The following KCND3 variants were observed in gnomAD, a reference collection of about 807,000 sequenced individuals.
KCND3 encodes A-type voltage-gated potassium channel KCND3.
Under a neutral mutation model 51.1 loss-of-function variants are expected in KCND3, and 9 were observed. The ratio of observed to expected loss-of-function variants is 0.18; its 90% CI spans 0.11 to 0.31. KCND3 has a LOEUF of 0.31. Ranked by LOEUF, KCND3 falls within the 10% of genes least tolerant of loss-of-function variation. KCND3 has a pLI of 1.00. For synonymous variants in KCND3, 349 were observed against 368.0 expected (o/e 0.95, Z 0.59); for missense variants, 526 against 903.8 (o/e 0.58, Z 5.36).
At chr1:111,905,006 C>T (rs530068066) in intron 2 of KCND3, among the ~76,000 whole-genome samples, 14 of 152,314 alleles carry the variant, frequency 9.2e-5, no homozygotes, top group East Asian at 3.9e-4. Flanking sequence ...TTATTCACGC[C>T]GGAAGTCCAT....
At chr1:111,806,607 T>C (rs1232021627) in intron 2 of KCND3, among the ~76,000 whole-genome samples, 1 of 152,236 alleles carries the variant, frequency 6.6e-6, no homozygotes, top group Non-Finnish European at 1.5e-5. Context: ...ACTAAGCAGT[T>C]TGAATAAACC....
At chr1:111,971,884 C>T (rs1178402223) in intron 2 of KCND3, among the ~76,000 whole-genome samples, 1 of 152,168 alleles carries the variant, frequency 6.6e-6, no homozygotes, top group East Asian at 1.9e-4. Flanking sequence ...CATTCCATTC[C>T]AGTCCTTTCT....
At chr1:111,897,036 G>T (rs984104826) in intron 2 of KCND3, among the ~76,000 whole-genome samples, 12 of 152,234 alleles carry the variant, frequency 7.9e-5, no homozygotes, top group Non-Finnish European at 1.6e-4. Flanking sequence ...GGTCTGTCTT[G>T]TCCGCTGTTG....
chr1:111,845,258 C>G (rs183112337), intron 2 of KCND3, among the ~76,000 whole-genome samples: 2 of 152,296 alleles, frequency 1.3e-5, no homozygotes, highest in African/African-American at 4.8e-5. Context: ...AAACAATTCT[C>G]TCCTGGTTTT....
At chr1:111,949,379 C>A (rs528856523) in intron 2 of KCND3, among the ~76,000 whole-genome samples, 2 of 152,282 alleles carry the variant, frequency 1.3e-5, no homozygotes, top group East Asian at 3.9e-4. Context: ...GGAAAAAGAG[C>A]AACCTAGGGC....
intron 2 of KCND3, among the ~76,000 whole-genome samples, chr1:111,843,407 T>G (rs1399808731): frequency 6.6e-6 from 1 of 152,194 alleles, no homozygotes; most frequent in Non-Finnish European, 1.5e-5. Flanking sequence ...TCCCTCCAGA[T>G]GGCATGGGCC....
intron 2 of KCND3, among the ~76,000 whole-genome samples, chr1:111,821,757 C>T (rs1278600377): frequency 6.6e-6 from 1 of 152,214 alleles, no homozygotes; most frequent in African/African-American, 2.4e-5. Flanking sequence ...TCTCTGCCAG[C>T]AGGCATGGCC....
intron 2 of KCND3, among the ~76,000 whole-genome samples, chr1:111,941,899 G>A (rs1343665587): frequency 6.6e-6 from 1 of 152,230 alleles, no homozygotes; most frequent in South Asian, 2.1e-4. Context: ...CAGCCCATCA[G>A]AGGCCATGTG....
In KCND3 at chr1:111,981,510, G is replaced by C; in HGVS notation, c.1106+111C>G. On this transcript the variant is annotated intron_variant, in intron 2 of 7. Transcript: ENST00000302127. The surrounding 1 kb of genome is among the most constrained non-coding windows in gnomAD (Gnocchi z 6.2). ...GCAACTTCCCCTGCCCCCAACACTT[G>C]GGTAAGGGACTCCCTCCTCCTCTAC... The C allele has an allele frequency of 6.7e-7, 1 of 1,503,166 alleles. No individual in the cohort carries two copies. The allele number at this position is 1,503,166 out of a possible 1,614,324, so 93.1% of individuals were successfully genotyped here. A position where few individuals can be genotyped will look rare whatever the true frequency, so the allele number is the denominator to read the frequency against.
chr1:111,885,280 G>A (rs982337629), intron 2 of KCND3, among the ~76,000 whole-genome samples: 6 of 152,268 alleles, frequency 3.9e-5, no homozygotes, highest in East Asian at 1.9e-4. Context: ...GCACGTCCAC[G>A]TTCACAAACC....
In KCND3 at chr1:111,968,393, G is replaced by C. The variant is rs150433134; in HGVS notation, c.1106+13228C>G. On this transcript the variant is annotated intron_variant, in intron 2 of 7. Coordinates refer to ENST00000302127, the MANE Select transcript of KCND3 (RefSeq NM_001378969.1). ...GAAAAAAAAATCTAGGGTCACATAA[G>C]CTGTATTGATCTTCATCTATCTTGT... 6.2e-3 allele frequency among the ~76,000 whole-genome samples: 949 copies of C among 152,306 alleles called. 5 individuals carry two copies. Among genetic ancestry groups the C allele is most frequent in the Non-Finnish European group, 0.011 (744 of 68,020 alleles).
rs143804726 is a variant in KCND3, at chr1:111,906,032, T to C, written c.1106+75589A>G. ...CTAGGAGAACCCAATGTTTTGACTT[T>C]CATTTCAAAGCTCTCTCTACTTCTA... On this transcript the variant is annotated intron_variant, in intron 2 of 7. Coordinates refer to ENST00000302127, the MANE Select transcript of KCND3 (RefSeq NM_001378969.1). Among the ~76,000 whole-genome samples the C allele has an allele frequency of 3.7e-3, 569 of 152,338 alleles. 1 individual carries two copies. Among genetic ancestry groups the C allele is most frequent in the Non-Finnish European group, 6.4e-3 (435 of 68,028 alleles).
chr1:111,852,984 C>G (rs974013418), intron 2 of KCND3, among the ~76,000 whole-genome samples: 1 of 152,152 alleles, frequency 6.6e-6, no homozygotes, highest in African/African-American at 2.4e-5. Flanking sequence ...ATAAGTAGAG[C>G]ATGATTCTTA....
intron 2 of KCND3, among the ~76,000 whole-genome samples, chr1:111,880,290 A>G (rs1669243425): frequency 6.6e-6 from 1 of 152,166 alleles, no homozygotes; most frequent in South Asian, 2.1e-4. Flanking sequence ...GTCCTCAAGG[A>G]CTTAGAAATT....
intron 2 of KCND3, among the ~76,000 whole-genome samples, chr1:111,806,262 C>T (rs1665567042): frequency 6.6e-6 from 1 of 152,244 alleles, no homozygotes; most frequent in African/African-American, 2.4e-5. Context: ...CTGCTGTTTC[C>T]CCTGGGGACA....
chr1:111,788,787 C>T (rs1001087177), intron 2 of KCND3, among the ~76,000 whole-genome samples: 1 of 152,168 alleles, frequency 6.6e-6, no homozygotes, highest in African/African-American at 2.4e-5. Context: ...ATAAAATAAC[C>T]ATATGATCTT....
At chr1:111,857,136 C>G (rs1557981591) in intron 2 of KCND3, among the ~76,000 whole-genome samples, 1 of 152,224 alleles carries the variant, frequency 6.6e-6, no homozygotes, top group African/African-American at 2.4e-5. Context: ...AAGTGAACAT[C>G]TGTAAAACGC....
intron 7 of KCND3, 57 bp downstream of exon 7, chr1:111,776,969 A>C: frequency 6.2e-7 from 1 of 1,610,888 alleles, no homozygotes; most frequent in South Asian, 1.1e-5. Flanking sequence ...GCAATTGTCT[A>C]ATTCTGTGAA....
At chr1:111,806,517 G>A (rs1665580605) in intron 2 of KCND3, among the ~76,000 whole-genome samples, 1 of 152,164 alleles carries the variant, frequency 6.6e-6, no homozygotes, top group African/African-American at 2.4e-5. Context: ...ATCTGTAAAT[G>A]GGAATATTTA....
Sources: allele counts gnomAD v4.1 joint callset (sites outside exome capture counted in the v4.1 genomes callset), GRCh38; gene constraint gnomAD v4.1.1; non-coding constraint Gnocchi (gnomAD v3.1); transcripts MANE v1.5; gene names NCBI Gene and HGNC (gene_info 2026-07-23, HGNC 2026-07-21).